The following GDAP1 variants were observed in gnomAD, a reference collection of about 807,000 sequenced individuals.
GDAP1 encodes the protein ganglioside induced differentiation associated protein 1.
A neutral mutation model predicts 40.1 loss-of-function variants in GDAP1; 34 were observed. The ratio of observed to expected loss-of-function variants is 0.85; its 90% CI spans 0.64 to 1.13. The LOEUF is 1.13. GDAP1 is among the 50% of genes most tolerant of loss of function. The pLI is 0.00. For missense variants in GDAP1, 374 were observed against 433.7 expected (o/e 0.86, Z 1.22); for synonymous variants, 170 against 157.4 (o/e 1.08, Z -0.60).
At chr8:74,437,723 G>A (rs374383098) in intron 2 of GDAP1, among the ~76,000 whole-genome samples, 53 of 150,708 alleles carry the variant, frequency 3.5e-4, no homozygotes, top group South Asian at 1.2e-3. Context: ...CATATTATAC[G>A]TCAACATTAT....
In GDAP1 at chr8:74,451,785, A is replaced by G. The variant is rs1200622110; in HGVS notation, c.166-36893A>G. ...TTTCTTCTGGCCTCCATTGTTCTGG[A>G]TAATACAGCAGTCATTCCTACTGAT... On this transcript the variant is annotated intron_variant, in intron 2 of 2. Transcript: ENST00000523640. Among the ~76,000 whole-genome samples, 2 of 79,644 alleles carry G rather than the reference A, an allele frequency of 2.5e-5. 1 individual carries two copies. Among genetic ancestry groups the G allele is most frequent in the Non-Finnish European group, 5.0e-5 (2 of 40,114 alleles). 52.2% of individuals were successfully genotyped at this position (79,644 alleles called of 152,430 possible).
intron 2 of GDAP1, among the ~76,000 whole-genome samples, chr8:74,421,862 A>C (rs939054896): frequency 6.6e-6 from 1 of 152,204 alleles, no homozygotes; most frequent in Admixed American, 6.6e-5. Context: ...ATTTTCATTA[A>C]ACATGGCTTT....
chr8:74,450,319 A>G (rs1209111107), intron 2 of GDAP1, among the ~76,000 whole-genome samples: 1 of 151,810 alleles, frequency 6.6e-6, no homozygotes, highest in Non-Finnish European at 1.5e-5. Flanking sequence ...TATTTTGGAG[A>G]TGTAGTTTTA....
At chr8:74,392,520 A>T (rs1363438650) in intron 2 of GDAP1, among the ~76,000 whole-genome samples, 1 of 152,230 alleles carries the variant, frequency 6.6e-6, no homozygotes, top group Non-Finnish European at 1.5e-5. Context: ...CTGTGGTGTA[A>T]TATCATCTAC....
chr8:74,400,983 A>G, intron 2 of GDAP1, among the ~76,000 whole-genome samples: 1 of 149,758 alleles, frequency 6.7e-6, no homozygotes, highest in Non-Finnish European at 1.5e-5. Context: ...GCTGCCCTTA[A>G]CATTTTTTCC....
chr8:74,369,671 T>C (rs1314904930), downstream of GDAP1, among the ~76,000 whole-genome samples: 1 of 151,894 alleles, frequency 6.6e-6, no homozygotes, highest in Admixed American at 6.6e-5. Flanking sequence ...TGCCATATTT[T>C]CCCAAATTTG....
chr8:74,412,721 C>T (rs1204550123), intron 2 of GDAP1, among the ~76,000 whole-genome samples: 1 of 149,670 alleles, frequency 6.7e-6, no homozygotes, highest in Non-Finnish European at 1.5e-5. Flanking sequence ...ATGAAATAAA[C>T]ACTTAAACAT....
intron 2 of GDAP1, among the ~76,000 whole-genome samples, chr8:74,375,204 G>C (rs1809831422): frequency 6.6e-6 from 1 of 152,106 alleles, no homozygotes; most frequent in African/African-American, 2.4e-5. Flanking sequence ...GTGTGCACCT[G>C]TAATCCGAGC....
chr8:74,398,795 T>A (rs57728666), intron 2 of GDAP1, among the ~76,000 whole-genome samples: 1,716 of 152,062 alleles, frequency 0.011, 20 homozygotes, highest in African/African-American at 0.039. Flanking sequence ...TTTCTGCATC[T>A]ATTGAGATAA....
At position 74,414,062 on chromosome 8, in the gene GDAP1, G is replaced by A. The variant is rs117411896; in HGVS notation, c.165+62741G>A. ...AGTCAATGGCAAATGTGTACACCAG[G>A]CAGATCAGAATAGTACTGGTTTGTA... On this transcript the variant is annotated intron_variant, in intron 2 of 2. Coordinates refer to the GDAP1 transcript ENST00000523640. Among the ~76,000 whole-genome samples, 41 of 150,212 alleles carry A rather than the reference G, an allele frequency of 2.7e-4. No individual in the cohort carries two copies. In the East Asian group the frequency reaches 7.1e-3, roughly 26 times the overall value.
intron 2 of GDAP1, among the ~76,000 whole-genome samples, chr8:74,485,540 T>C (rs750836781): frequency 1.6e-4 from 25 of 152,124 alleles, no homozygotes; most frequent in Non-Finnish European, 3.5e-4. Context: ...TAGAGAGCAA[T>C]ACAAGATCCG....
At chr8:74,373,236 GCA>G (rs2131532315) in intron 2 of GDAP1, among the ~76,000 whole-genome samples, 1 of 152,190 alleles carries the variant, frequency 6.6e-6, no homozygotes, top group African/African-American at 2.4e-5. Flanking sequence ...ACTTGGCAAT[GCA>G]GGCTCTTTTT....
Position 74,360,691 on chromosome 8 carries a change from ATTG to A in GDAP1, c.484+387_484+389del, listed in dbSNP as rs543932905. Among the ~76,000 whole-genome samples, 22 of 152,256 alleles carry A rather than the reference ATTG, an allele frequency of 1.4e-4. No individual in the cohort carries two copies. In the South Asian group the frequency reaches 3.9e-3, roughly 27 times the overall value. Reference sequence around the variant, plus strand: ...GTTGAGTTCATGTTACTGGTCCTTAATTGTTGTTTTCGTTATTTGAGGAAACTG... The same window carrying A: ...GTTGAGTTCATGTTACTGGTCCTTAATTGTTTTCGTTATTTGAGGAAACTG... On this transcript the variant is annotated intron_variant, in intron 3 of 5. Transcript: ENST00000220822.
At chr8:74,402,849 T>C (rs888791672) in intron 2 of GDAP1, among the ~76,000 whole-genome samples, 4 of 150,380 alleles carry the variant, frequency 2.7e-5, no homozygotes, top group Admixed American at 2.6e-4. Flanking sequence ...ATAAAATTAT[T>C]TGTCAAGATA....
intron 2 of GDAP1, among the ~76,000 whole-genome samples, chr8:74,469,986 A>C (rs935498820): frequency 1.3e-5 from 2 of 152,174 alleles, no homozygotes; most frequent in Non-Finnish European, 1.5e-5. Flanking sequence ...AAAAAATAAA[A>C]ATAAAAATAA....
At chr8:74,416,406 G>A (rs13279938) in intron 2 of GDAP1, among the ~76,000 whole-genome samples, 2,659 of 150,136 alleles carry the variant, frequency 0.018, 121 homozygotes, top group South Asian at 0.052. Context: ...TACAACATCT[G>A]CAAGCAGAAT....
chr8:74,472,880 T>C (rs1185691718), intron 2 of GDAP1, among the ~76,000 whole-genome samples: 3 of 152,090 alleles, frequency 2.0e-5, no homozygotes, highest in African/African-American at 7.2e-5. Context: ...CCCAAGTGGC[T>C]GGGACTATAG....
chr8:74,372,829 G>A (rs1206843096), intron 2 of GDAP1, among the ~76,000 whole-genome samples: 1 of 152,146 alleles, frequency 6.6e-6, no homozygotes, highest in Non-Finnish European at 1.5e-5. Flanking sequence ...TTTTAGACAT[G>A]AAGTCCTTGC....
chr8:74,416,810 G>C (rs1379278137), intron 2 of GDAP1, among the ~76,000 whole-genome samples: 1 of 149,970 alleles, frequency 6.7e-6, no homozygotes, highest in East Asian at 1.9e-4. Flanking sequence ...CTCCTAGGGG[G>C]AAGGGGAGTG....
Sources: gnomAD v4.1 joint callset for allele counts (sites outside exome capture counted in the v4.1 genomes callset) on GRCh38, gnomAD v4.1.1 for gene constraint, MANE v1.5 for transcripts, NCBI Gene and HGNC (gene_info 2026-07-23, HGNC 2026-07-21) for gene names.